The following SYNRG variants were observed in gnomAD, a reference collection of about 807,000 sequenced individuals.
SYNRG encodes the protein AP1 gamma subunit binding protein 1.
In SYNRG, 37 loss-of-function variants were observed where a neutral mutation model predicts 130.9. The observed-to-expected ratio is 0.28, with a 90% CI of 0.22 to 0.37. The LOEUF is 0.37. SYNRG is among the 10% of genes least tolerant of loss of function. The pLI is 1.00. For missense variants in SYNRG, 1,338 were observed against 1,588.9 expected (o/e 0.84, Z 2.68); for synonymous variants, 539 against 568.1 (o/e 0.95, Z 0.73).
At position 37,584,638 on chromosome 17, in the gene SYNRG, T is replaced by A; in HGVS notation, c.589+10A>T. The A allele has an allele frequency of 6.2e-7, 1 of 1,611,464 alleles. No homozygotes were observed. The highest frequency in any genetic ancestry group is 8.5e-7 in the Non-Finnish European group (1 of 1,177,832). Reference sequence around the variant, plus strand: ...CCAGAAAAGAAAAATATAATGCCTCTTAAAACTACCTGGTTTCTTGGGGTG... The same window carrying A: ...CCAGAAAAGAAAAATATAATGCCTCATAAAACTACCTGGTTTCTTGGGGTG... On this transcript the variant is annotated intron_variant, in intron 6 of 21. Coordinates refer to ENST00000612223, the MANE Select transcript of SYNRG (RefSeq NM_007247.6).
intron 3 of SYNRG, among the ~76,000 whole-genome samples, chr17:37,591,295 T>G (rs773884051): frequency 6.6e-6 from 1 of 152,248 alleles, no homozygotes; most frequent in Non-Finnish European, 1.5e-5. Context: ...CTGAAAACTA[T>G]GTAAATGATA....
intron 3 of SYNRG, among the ~76,000 whole-genome samples, chr17:37,596,019 TG>T (rs1670072098): frequency 6.6e-6 from 1 of 152,242 alleles, no homozygotes; most frequent in Admixed American, 6.5e-5. Context: ...CCTCCCAAAG[TG>T]CTGGGATTAC....
intron 19 of SYNRG, among the ~76,000 whole-genome samples, chr17:37,524,170 G>C (rs949336464): frequency 1.3e-5 from 2 of 152,174 alleles, no homozygotes; most frequent in Admixed American, 1.3e-4. Flanking sequence ...GGATACTGAG[G>C]TGACCCAGGA....
At chr17:37,583,400 T>C (rs892865331) in intron 6 of SYNRG, among the ~76,000 whole-genome samples, 5 of 152,206 alleles carry the variant, frequency 3.3e-5, no homozygotes, top group African/African-American at 1.2e-4. Context: ...TTCAATCTTG[T>C]ATATTTTATT....
chr17:37,590,220 G>A (rs2062050941), intron 3 of SYNRG, among the ~76,000 whole-genome samples: 1 of 148,442 alleles, frequency 6.7e-6, no homozygotes, highest in South Asian at 2.1e-4. Context: ...TTTTAAATAA[G>A]AAGATACAGG....
Position 37,572,678 on chromosome 17 carries a change from C to G in SYNRG, c.902-691G>C, listed in dbSNP as rs145450680. Among the ~76,000 whole-genome samples, 227 of 152,188 alleles carry G rather than the reference C, an allele frequency of 1.5e-3. 2 individuals carry two copies. The East Asian group carries it at 0.02, about 13-fold the overall frequency. On this transcript the variant is annotated intron_variant, in intron 8 of 21. Coordinates refer to ENST00000612223, the MANE Select transcript of SYNRG (RefSeq NM_007247.6). ...GAATTATACCAACATCACTCTTCTC[C>G]AGTAAATTAGAGGCTGTGAGAGAAA...
chr17:37,522,703 C>T (rs1327267939), intron 19 of SYNRG, among the ~76,000 whole-genome samples: 1 of 145,004 alleles, frequency 6.9e-6, no homozygotes, highest in East Asian at 2.0e-4. Context: ...TGCAGTGGCG[C>T]AATCTCGGCT....
At chr17:37,552,354 A>G (rs2058773026) in intron 14 of SYNRG, among the ~76,000 whole-genome samples, 1 of 151,956 alleles carries the variant, frequency 6.6e-6, no homozygotes, top group African/African-American at 2.4e-5. Context: ...TGAACTAGAG[A>G]GTAAATTGCT....
chr17:37,538,467 T>C (rs1204183233), intron 17 of SYNRG, 47 bp from the exon 18 acceptor site: 20 of 1,376,790 alleles, frequency 1.5e-5, no homozygotes, highest in East Asian at 2.4e-5. Context: ...AGAAAAGTCA[T>C]TGCAAATCAA....
intron 6 of SYNRG, 40 bp from the exon 7 acceptor site, chr17:37,577,653 A>G (rs780980387): frequency 5.2e-6 from 7 of 1,357,022 alleles, no homozygotes; most frequent in South Asian, 1.2e-5. Context: ...ATATAACTGT[A>G]TATGTCTAAT....
chr17:37,587,082 T>C (rs1243167913), intron 3 of SYNRG, among the ~76,000 whole-genome samples: 1 of 152,178 alleles, frequency 6.6e-6, no homozygotes, highest in Admixed American at 6.5e-5. Flanking sequence ...AAAAATTACA[T>C]AATATTATAA....
intron 13 of SYNRG, among the ~76,000 whole-genome samples, chr17:37,554,702 T>C (rs1415311182): frequency 6.6e-6 from 1 of 152,216 alleles, no homozygotes; most frequent in Non-Finnish European, 1.5e-5. Flanking sequence ...GGGCACATTG[T>C]AAAGCAGCTC....
chr17:37,599,352 G>A (rs1348895261), intron 2 of SYNRG, among the ~76,000 whole-genome samples: 1 of 152,218 alleles, frequency 6.6e-6, no homozygotes, highest in Non-Finnish European at 1.5e-5. Flanking sequence ...TGAAGATAAA[G>A]CTAGAATTGA....
chr17:37,545,185 C>G (rs2058163178), intron 14 of SYNRG, among the ~76,000 whole-genome samples: 1 of 151,608 alleles, frequency 6.6e-6, no homozygotes. Flanking sequence ...CACCATTGCA[C>G]TCCAGCCTGG....
At position 37,544,296 on chromosome 17, in the gene SYNRG, G is replaced by C. The variant is rs528888905; in HGVS notation, c.2609-1731C>G. On this transcript the variant is annotated intron_variant, in intron 14 of 21. Transcript: ENST00000612223. ...TAAAACAGAAGGAAAAAACGACTCA[G>C]GTGAAAAGTTTTTTTTTTTTTTTAA... Among the ~76,000 whole-genome samples the C allele has an allele frequency of 1.2e-3, 184 of 151,874 alleles. 1 individual carries two copies. Among genetic ancestry groups the C allele is most frequent in the Middle Eastern group, 3.4e-3 (1 of 294 alleles).
At chr17:37,572,701 A>G (rs1201545027) in intron 8 of SYNRG, among the ~76,000 whole-genome samples, 1 of 152,220 alleles carries the variant, frequency 6.6e-6, no homozygotes, top group African/African-American at 2.4e-5. Flanking sequence ...GCTGTGAGAG[A>G]AAACACCATT....
intron 11 of SYNRG, among the ~76,000 whole-genome samples, chr17:37,563,198 G>A (rs2059672979): frequency 6.6e-6 from 1 of 152,142 alleles, no homozygotes; most frequent in South Asian, 2.1e-4. Context: ...CAGTTACATA[G>A]TAGTCATCAA....
chr17:37,589,760 A>C (rs1277530637), intron 3 of SYNRG, among the ~76,000 whole-genome samples: 1 of 152,028 alleles, frequency 6.6e-6, no homozygotes, highest in Non-Finnish European at 1.5e-5. Flanking sequence ...AAGGAAAAAA[A>C]AAAAGGCTAT....
chr17:37,605,740 C>T, intron 1 of SYNRG: 1 of 920,712 alleles, frequency 1.1e-6, no homozygotes, highest in Non-Finnish European at 1.3e-6. Flanking sequence ...AGGAAGGTGA[C>T]CAACAATTTA....
Sources: gnomAD v4.1 joint callset for allele counts (sites outside exome capture counted in the v4.1 genomes callset) on GRCh38, gnomAD v4.1.1 for gene constraint, MANE v1.5 for transcripts, NCBI Gene and HGNC (gene_info 2026-07-23, HGNC 2026-07-21) for gene names.